Variants in GYPE observed in about 807,000 individuals in gnomAD.
GYPE encodes the protein glycophorin-E.
In GYPE, 8 loss-of-function variants were observed where a neutral mutation model predicts 11.6. That is an observed-to-expected ratio of 0.69 (90% CI 0.41 to 1.25). The LOEUF (loss-of-function observed/expected upper bound fraction) is 1.25. GYPE is among the 50% of genes most tolerant of loss of function. The pLI, the probability that GYPE is intolerant of heterozygous loss-of-function variation, is 0.01. For missense variants in GYPE, 90 were observed against 92.8 expected, an observed-to-expected ratio of 0.97 and a Z score of 0.12; for synonymous variants, 28 against 29.6, an observed-to-expected ratio of 0.94 and a Z score of 0.18.
rs1190399640 is a variant in GYPE at position 143,891,156 on chromosome 4, A to G, written c.38-10647T>C. On this transcript the variant is annotated intron_variant, in intron 1 of 3. Coordinates refer to ENST00000358615, the MANE Select transcript of GYPE (RefSeq NM_198682.3). ...ATAACTACTTTAGGCTTTGTGGACC[A>G]TCTACTACAAATATTCAACTCTGTC... 2.6e-5 allele frequency among the ~76,000 whole-genome samples: 4 copies of G among 151,106 alleles called. No individual in the cohort carries two copies. The South Asian group carries it at 8.3e-4, about 31-fold the overall frequency.
chr4:143,878,080 C>T (rs1421863984), intron 2 of GYPE, among the ~76,000 whole-genome samples: 2 of 149,130 alleles, frequency 1.3e-5, no homozygotes, highest in Admixed American at 6.7e-5. Flanking sequence ...AAGAGAAAAA[C>T]TATTACCAAA....
At chr4:143,888,656 C>T (rs1300822291) in intron 1 of GYPE, among the ~76,000 whole-genome samples, 3 of 147,734 alleles carry the variant, frequency 2.0e-5, no homozygotes, top group African/African-American at 7.5e-5. Context: ...ACAGAATTAA[C>T]GTATAAATGG....
chr4:143,899,712 T>C (rs1744789914), intron 1 of GYPE, among the ~76,000 whole-genome samples: 1 of 143,362 alleles, frequency 7.0e-6, no homozygotes, highest in African/African-American at 2.6e-5. Flanking sequence ...GACCATTCAA[T>C]GGGCAAAGGA....
chr4:143,904,777 A>C (rs534209310), intron 1 of GYPE, among the ~76,000 whole-genome samples: 1 of 152,288 alleles, frequency 6.6e-6, no homozygotes, highest in African/African-American at 2.4e-5. Flanking sequence ...TTTAACTATA[A>C]TATTCTCAGA....
intron 3 of GYPE, among the ~76,000 whole-genome samples, chr4:143,873,017 AT>A (rs770175508): frequency 1.3e-5 from 2 of 152,158 alleles, no homozygotes; most frequent in Non-Finnish European, 2.9e-5. Context: ...ACATGATCTA[AT>A]TGATAGTTTG....
At chr4:143,896,455 G>T (rs1744641446) in intron 1 of GYPE, among the ~76,000 whole-genome samples, 1 of 152,160 alleles carries the variant, frequency 6.6e-6, no homozygotes, top group African/African-American at 2.4e-5. Flanking sequence ...AAACCACAAT[G>T]AGATACCATC....
intron 2 of GYPE, among the ~76,000 whole-genome samples, chr4:143,878,033 T>A (rs1375292258): frequency 1.3e-5 from 2 of 150,656 alleles, no homozygotes; most frequent in African/African-American, 2.4e-5. Context: ...TTCTTTCAAG[T>A]ACTCAGGGTT....
intron 1 of GYPE, among the ~76,000 whole-genome samples, chr4:143,905,049 T>A (rs1456103453): frequency 2.0e-5 from 3 of 152,142 alleles, no homozygotes; most frequent in Non-Finnish European, 4.4e-5. Context: ...TTTTGGCTTC[T>A]CACCATTTGG....
intron 3 of GYPE, chr4:143,873,502 G>T (rs754457001): frequency 6.6e-6 from 3 of 454,702 alleles, no homozygotes; most frequent in South Asian, 3.1e-5. Flanking sequence ...CCATGAGAAG[G>T]GTCAAGAACA....
chr4:143,889,330 C>T (rs1184617064), intron 1 of GYPE, among the ~76,000 whole-genome samples: 1 of 152,148 alleles, frequency 6.6e-6, no homozygotes, highest in East Asian at 1.9e-4. Context: ...AGCCAGTGCA[C>T]ATTCTTCAGC....
chr4:143,889,713 A>G (rs905818589), intron 1 of GYPE, among the ~76,000 whole-genome samples: 1 of 152,156 alleles, frequency 6.6e-6, no homozygotes, highest in Non-Finnish European at 1.5e-5. Context: ...GAATCATGGA[A>G]ATCTGTATGT....
At chr4:143,891,219 A>G (rs1036502331) in intron 1 of GYPE, among the ~76,000 whole-genome samples, 1 of 151,858 alleles carries the variant, frequency 6.6e-6, no homozygotes. Context: ...TGTAAACCAA[A>G]GCATAAATAA....
chr4:143,901,723 A>T (rs1744875603), intron 1 of GYPE, among the ~76,000 whole-genome samples: 1 of 152,116 alleles, frequency 6.6e-6, no homozygotes, highest in South Asian at 2.1e-4. Context: ...GAAATTCCTC[A>T]AAAGTATACT....
intron 1 of GYPE, among the ~76,000 whole-genome samples, chr4:143,894,537 C>T (rs571986319): frequency 9.9e-5 from 15 of 151,906 alleles, no homozygotes; most frequent in Non-Finnish European, 1.6e-4. Context: ...CACATAGGAC[C>T]CTCAGCTGCA....
chr4:143,881,703 C>G (rs566227407), intron 1 of GYPE, among the ~76,000 whole-genome samples: 3 of 152,252 alleles, frequency 2.0e-5, no homozygotes, highest in South Asian at 4.1e-4. Context: ...TTTCAATCTT[C>G]TATTCTGTGC....
intron 3 of GYPE, among the ~76,000 whole-genome samples, chr4:143,874,412 T>C (rs1743720957): frequency 6.6e-6 from 1 of 152,208 alleles, no homozygotes; most frequent in Non-Finnish European, 1.5e-5. Flanking sequence ...ATGGTGTGAC[T>C]GTAATGTCTG....
At position 143,880,621 on chromosome 4, in the gene GYPE, G is replaced by A. The variant is rs554679952; in HGVS notation, c.38-112C>T. The A allele has an allele frequency of 1.8e-5, 26 of 1,484,672 alleles. No homozygotes were observed. In the Admixed American group the frequency reaches 2.2e-4, roughly 12 times the overall value. The allele number at this position is 1,484,672 out of a possible 1,614,324, so 92.0% of individuals were successfully genotyped here. On this transcript the variant is annotated intron_variant, in intron 1 of 3. Transcript: ENST00000358615. ...CATCCCTCCAGTCCCTGAGCTAAGCGCTTTGGTATATATCTTACATAATCT... is the reference window on the plus strand; with the variant it reads ...CATCCCTCCAGTCCCTGAGCTAAGCACTTTGGTATATATCTTACATAATCT...
At chr4:143,896,533 A>T (rs1412879049) in intron 1 of GYPE, among the ~76,000 whole-genome samples, 1 of 151,042 alleles carries the variant, frequency 6.6e-6, no homozygotes, top group Admixed American at 6.6e-5. Context: ...ATGTGGAGAA[A>T]TAGGAACACT....
intron 2 of GYPE, among the ~76,000 whole-genome samples, 181 bp from the exon 3 acceptor site, chr4:143,877,036 G>A (rs1255743384): frequency 6.6e-6 from 1 of 152,116 alleles, no homozygotes. Context: ...AACCTTGTGG[G>A]AAACTGGGAC....
Sources: gnomAD v4.1 joint callset for allele counts (sites outside exome capture counted in the v4.1 genomes callset) on GRCh38, gnomAD v4.1.1 for gene constraint, MANE v1.5 for transcripts, NCBI Gene and HGNC (gene_info 2026-07-23, HGNC 2026-07-21) for gene names.